The following PCDHGB4 variants were observed in gnomAD, a reference collection of about 807,000 sequenced individuals.
PCDHGB4 encodes protocadherin gamma subfamily B, 4, also known as protocadherin gamma-B4.
A neutral mutation model predicts 60.5 loss-of-function variants in PCDHGB4; 38 were observed. The ratio of observed to expected loss-of-function variants is 0.63; its 90% CI spans 0.48 to 0.82. PCDHGB4 has a LOEUF of 0.82. Among genes scored for constraint, PCDHGB4 ranks in the 40% least tolerant of loss-of-function variants. The pLI, the probability that PCDHGB4 is intolerant of heterozygous loss-of-function variation, is 0.00. For synonymous variants in PCDHGB4, 456 were observed against 509.7 expected (o/e 0.89, Z 1.42); for missense variants, 1,109 against 1,209.6 (o/e 0.92, Z 1.23).
Position 141,476,464 on chromosome 5 carries a change from G to A in PCDHGB4, c.2398-18343G>A, listed in dbSNP as rs745664477. On this transcript the variant is annotated intron_variant, in intron 1 of 3. Transcript: ENST00000519479. This position sits in a 1 kb window ranked among gnomAD's most constrained non-coding sequence, Gnocchi z 7.6. ...TGGAGTTGGTAGTGGAGAACCCGCT[G>A]GAGCTGTTCAGCGTGGAAGTGGTGA... 3 of 1,614,140 alleles carry A rather than the reference G, an allele frequency of 1.9e-6. No homozygotes were observed. Among genetic ancestry groups the A allele is most frequent in the Non-Finnish European group, 2.5e-6 (3 of 1,180,014 alleles).
chr5:141,419,300 T>G (rs2096356436), intron 1 of PCDHGB4: 3 of 1,613,998 alleles, frequency 1.9e-6, no homozygotes, highest in Non-Finnish European at 2.5e-6. Context: ...TGACCCAGAC[T>G]TCGGGCTCAA....
rs201386958 is a variant in PCDHGB4 at position 141,413,172 on chromosome 5, T to G, written c.2397+22891T>G. 2.6e-4 allele frequency: 413 copies of G among 1,598,292 alleles called. 3 individuals carry two copies. In the East Asian group the frequency reaches 7.0e-3, roughly 27 times the overall value. ...ACTTTGCAGAATTCTGTAACCAGACTACAATGGCCGCTCAAAGGAATCGCT... is the reference window on the plus strand; with the variant it reads ...ACTTTGCAGAATTCTGTAACCAGACGACAATGGCCGCTCAAAGGAATCGCT... On this transcript the variant is annotated intron_variant, in intron 1 of 3. Coordinates refer to ENST00000519479, the MANE Select transcript of PCDHGB4 (RefSeq NM_003736.4).
At chr5:141,509,319 G>A (rs1427191152) in intron 3 of PCDHGB4, among the ~76,000 whole-genome samples, 3 of 152,216 alleles carry the variant, frequency 2.0e-5, no homozygotes, top group African/African-American at 4.8e-5. Context: ...TGGGAGAGAA[G>A]CTCTACTGCC....
intron 2 of PCDHGB4, among the ~76,000 whole-genome samples, chr5:141,498,436 A>G (rs566463876): frequency 6.6e-6 from 1 of 152,268 alleles, no homozygotes; most frequent in East Asian, 1.9e-4. Flanking sequence ...GGGGATGAAG[A>G]GGAGAGGTTC....
intron 2 of PCDHGB4, among the ~76,000 whole-genome samples, chr5:141,502,124 A>G (rs4912762): frequency 0.55 from 83,213 of 152,012 alleles, 23,486 homozygotes; most frequent in African/African-American, 0.67. Flanking sequence ...CCAGGCCCAC[A>G]GAGCTCAGTC....
rs1361609314 is a variant in PCDHGB4 at position 141,423,642 on chromosome 5, TGACCC to T, written c.2397+33365_2397+33369del. 6 of 1,596,888 alleles carry T rather than the reference TGACCC, an allele frequency of 3.8e-6. No individual in the cohort carries two copies. In the South Asian group the frequency reaches 5.7e-5, roughly 15 times the overall value. ...ACTCAGCTATCATTTTAGGCAAATGTGACCCGACAAGTAATCAGGTGAGATTTATT... is the reference window on the plus strand; with the variant it reads ...ACTCAGCTATCATTTTAGGCAAATGTGACAAGTAATCAGGTGAGATTTATT... On this transcript the variant is annotated intron_variant, in intron 1 of 3. Transcript: ENST00000519479.
chr5:141,398,408 A>G (rs2093653088), intron 1 of PCDHGB4: 1 of 1,473,232 alleles, frequency 6.8e-7, no homozygotes, highest in African/African-American at 1.4e-5. Flanking sequence ...GACAGGGAGG[A>G]GATATGCGGG....
intron 2 of PCDHGB4, among the ~76,000 whole-genome samples, chr5:141,496,334 G>T (rs959266723): frequency 2.6e-5 from 4 of 152,240 alleles, no homozygotes; most frequent in Admixed American, 6.5e-5. Context: ...GAAGTCAGGA[G>T]CCTGGAGGAG....
intron 1 of PCDHGB4, chr5:141,394,181 C>T (rs1232533966): frequency 1.2e-6 from 2 of 1,613,928 alleles, no homozygotes; most frequent in East Asian, 4.5e-5. Flanking sequence ...CTCATGCCTC[C>T]TACTCAGCGT....
At chr5:141,502,660 A>T (rs1423714257) in intron 2 of PCDHGB4, among the ~76,000 whole-genome samples, 2 of 152,208 alleles carry the variant, frequency 1.3e-5, no homozygotes, top group African/African-American at 4.8e-5. Flanking sequence ...GCAACCCTTC[A>T]TGCAATTTTA....
In PCDHGB4 at chr5:141,487,954, T is replaced by C. The variant is rs2099669751; in HGVS notation, c.2398-6853T>C. On this transcript the variant is annotated intron_variant, in intron 1 of 3. Transcript: ENST00000519479. The surrounding 1 kb of genome is among the most constrained non-coding windows in gnomAD (Gnocchi z 5.0). ...GGGTACAGTGCACCAGGCAGTCACTTGGACAAAGGTGGCTGTTTTCTCTAC... is the reference window on the plus strand; with the variant it reads ...GGGTACAGTGCACCAGGCAGTCACTCGGACAAAGGTGGCTGTTTTCTCTAC... Among the ~76,000 whole-genome samples the C allele has an allele frequency of 6.6e-6, 1 of 152,182 alleles. No homozygotes were observed. The highest frequency in any genetic ancestry group is 1.5e-5 in the Non-Finnish European group (1 of 68,020).
chr5:141,432,766 C>G lies in PCDHGB4; in HGVS notation c.2397+42485C>G. On this transcript the variant is annotated intron_variant, in intron 1 of 3. Transcript: ENST00000519479. This position sits in a 1 kb window ranked among gnomAD's most constrained non-coding sequence, Gnocchi z 6.0. Reference sequence around the variant, plus strand: ...CCGTGGCCGTGGCCGACAGCATCCCCCAAGTCCTGGCGGACCTCGGCAGCC... The same window carrying G: ...CCGTGGCCGTGGCCGACAGCATCCCGCAAGTCCTGGCGGACCTCGGCAGCC... 6.2e-7 allele frequency: 1 copy of G among 1,614,160 alleles called. No individual in the cohort carries two copies. The highest frequency in any genetic ancestry group is 8.5e-7 in the Non-Finnish European group (1 of 1,179,994).
At chr5:141,408,929 A>G in intron 1 of PCDHGB4, 1 of 1,613,518 alleles carries the variant, frequency 6.2e-7, no homozygotes, top group Non-Finnish European at 8.5e-7. Context: ...CCCGGTTTTC[A>G]GCAGAGACGA....
chr5:141,388,794 A>G lies in PCDHGB4; in HGVS notation c.910A>G (p.Thr304Ala), dbSNP rs879026266. 1 of 1,613,898 alleles carries G rather than the reference A, an allele frequency of 6.2e-7. No homozygotes were observed. Among genetic ancestry groups the G allele is most frequent in the Non-Finnish European group, 8.5e-7 (1 of 1,179,812 alleles). The change falls in exon 1 of 4, where the codon ACA (threonine) becomes GCA (alanine). Residue 304 changes from threonine to alanine, a missense_variant. Thr to Ala is a moderately conservative substitution (Grantham distance 58). Coordinates refer to ENST00000519479, the MANE Select transcript of PCDHGB4 (RefSeq NM_003736.4). ...CACCGGGGAAATTACTGTTTTAAAT[A>G]CATTAGATTTTGAAGAAGTCAAAGA... ...SNTGEITVLN[T>A]LDFEEVKEYS...
intron 1 of PCDHGB4, among the ~76,000 whole-genome samples, chr5:141,447,098 A>G (rs2098525979): frequency 6.6e-6 from 1 of 151,934 alleles, no homozygotes. Flanking sequence ...TTTCTTTCAC[A>G]TGATTATATG....
At chr5:141,470,734 G>C (rs970003510) in intron 1 of PCDHGB4, among the ~76,000 whole-genome samples, 1 of 152,128 alleles carries the variant, frequency 6.6e-6, no homozygotes, top group South Asian at 2.1e-4. Context: ...GTCTTGCTCT[G>C]TCGCCCTGGC....
chr5:141,438,659 T>C (rs1290256383), intron 1 of PCDHGB4, among the ~76,000 whole-genome samples: 1 of 141,194 alleles, frequency 7.1e-6, no homozygotes, highest in East Asian at 2.1e-4. Flanking sequence ...CACATATATG[T>C]ATATATATAT....
At chr5:141,471,263 C>T (rs2099253826) in intron 1 of PCDHGB4, 1 of 151,898 alleles carries the variant, frequency 6.6e-6, no homozygotes, top group African/African-American at 2.4e-5. Context: ...GTTGGCAAGG[C>T]TGGTCTCAAA....
intron 1 of PCDHGB4, chr5:141,408,609 A>G (rs765291231): frequency 1.2e-5 from 19 of 1,613,970 alleles, no homozygotes; most frequent in Non-Finnish European, 3.4e-6. Flanking sequence ...TTTGATAAAA[A>G]GGAAATACAT....
Sources: gnomAD v4.1 joint callset for allele counts (sites outside exome capture counted in the v4.1 genomes callset) on GRCh38, gnomAD v4.1.1 for gene constraint, Gnocchi (gnomAD v3.1) non-coding constraint, MANE v1.5 for transcripts, NCBI Gene and HGNC (gene_info 2026-07-23, HGNC 2026-07-21) for gene names.